The following OPCML variants were observed in gnomAD, a reference collection of about 807,000 sequenced individuals.
The protein encoded by OPCML is opioid-binding protein/cell adhesion molecule.
In OPCML, 13 loss-of-function variants were observed where a neutral mutation model predicts 37.8. That is an observed-to-expected ratio of 0.34 (90% CI 0.22 to 0.55). The LOEUF is 0.55. OPCML is among the 20% of genes least tolerant of loss of function. OPCML has a pLI of 0.91. For missense variants in OPCML, 341 were observed against 435.6 expected, an observed-to-expected ratio of 0.78 and a Z score of 1.93; for synonymous variants, 176 against 168.8, an observed-to-expected ratio of 1.04 and a Z score of -0.33.
At chr11:132,786,738 A>T (rs1445422283) in intron 2 of OPCML, among the ~76,000 whole-genome samples, 1 of 152,200 alleles carries the variant, frequency 6.6e-6, no homozygotes, top group Non-Finnish European at 1.5e-5. Context: ...TATAGTAGGC[A>T]TTCAAACGAT....
chr11:133,144,308 G>A (rs1325477516), intron 1 of OPCML, among the ~76,000 whole-genome samples: 1 of 152,232 alleles, frequency 6.6e-6, no homozygotes, highest in African/African-American at 2.4e-5. Context: ...CCTGAGCAGA[G>A]CCTGGCTCCA....
At position 133,376,668 on chromosome 11, in the gene OPCML, A is replaced by C. The variant is rs372965313; in HGVS notation, c.61+155596T>G. Reference sequence around the variant, plus strand: ...GCAAGATTATATATGAGCTATTTTTAGTCTGTTTATTTGTACTTTCTAAAT... The same window carrying C: ...GCAAGATTATATATGAGCTATTTTTCGTCTGTTTATTTGTACTTTCTAAAT... On this transcript the variant is annotated intron_variant, in intron 1 of 7. Coordinates refer to ENST00000524381, the MANE Select transcript of OPCML (RefSeq NM_001012393.5). 2.0e-4 allele frequency among the ~76,000 whole-genome samples: 31 copies of C among 152,320 alleles called. No homozygotes were observed. In the South Asian group the frequency reaches 6.4e-3, roughly 32 times the overall value.
At chr11:132,684,426 C>T (rs1369930854) in intron 2 of OPCML, among the ~76,000 whole-genome samples, 1 of 152,142 alleles carries the variant, frequency 6.6e-6, no homozygotes, top group African/African-American at 2.4e-5. Context: ...ATTCATATTA[C>T]ATCATATGAT....
At chr11:133,465,908 T>C (rs980404414) in intron 1 of OPCML, among the ~76,000 whole-genome samples, 6 of 152,244 alleles carry the variant, frequency 3.9e-5, no homozygotes, top group Non-Finnish European at 7.3e-5. Context: ...TACATCTATA[T>C]CCTGAGTTCA....
chr11:133,244,566 C>T lies in OPCML; in HGVS notation c.61+287698G>A, dbSNP rs139997632. On this transcript the variant is annotated intron_variant, in intron 1 of 7. Transcript: ENST00000524381. ...TCTCATGTCGAATTATAATCTCCAG[C>T]ACTGGAGGAGGGGCCTCGTGGGAGG... Among the ~76,000 whole-genome samples, 216 of 152,262 alleles carry T rather than the reference C, an allele frequency of 1.4e-3. 5 individuals are homozygous for T. Among genetic ancestry groups the T allele is most frequent in the Middle Eastern group, 0.01 (3 of 294 alleles).
intron 2 of OPCML, among the ~76,000 whole-genome samples, chr11:132,669,579 C>T (rs1784176): frequency 9.2e-5 from 14 of 152,064 alleles, no homozygotes; most frequent in African/African-American, 2.4e-4. Flanking sequence ...GCAAGCTGCT[C>T]GGGTATTGTC....
At chr11:133,307,726 C>A (rs548102191) in intron 1 of OPCML, among the ~76,000 whole-genome samples, 1 of 152,112 alleles carries the variant, frequency 6.6e-6, no homozygotes, top group African/African-American at 2.4e-5. Context: ...GTTTTGATTC[C>A]AATATCTGCA....
At chr11:132,850,154 C>T (rs1400190208) in intron 2 of OPCML, among the ~76,000 whole-genome samples, 3 of 152,164 alleles carry the variant, frequency 2.0e-5, no homozygotes, top group Non-Finnish European at 2.9e-5. Flanking sequence ...TTCAAAGAGG[C>T]ATCCTCCTTA....
intron 2 of OPCML, among the ~76,000 whole-genome samples, chr11:132,703,582 G>A (rs1943914789): frequency 6.6e-6 from 1 of 152,204 alleles, no homozygotes; most frequent in African/African-American, 2.4e-5. Flanking sequence ...CTGGTTGGTA[G>A]GGTCTACCAG....
rs113364906 is a variant in OPCML at position 132,994,577 on chromosome 11, T to C, written c.62-51567A>G. Reference sequence around the variant, plus strand: ...AAGGCTCAGGGCGGGGATTTTCACCTGTAAGCAGCGTTTGCAATCCCTCAT... The same window carrying C: ...AAGGCTCAGGGCGGGGATTTTCACCCGTAAGCAGCGTTTGCAATCCCTCAT... On this transcript the variant is annotated intron_variant, in intron 1 of 7. Coordinates refer to ENST00000524381, the MANE Select transcript of OPCML (RefSeq NM_001012393.5). Among the ~76,000 whole-genome samples, 841 of 152,308 alleles carry C rather than the reference T, an allele frequency of 5.5e-3. 4 individuals carry two copies. Among genetic ancestry groups the C allele is most frequent in the African/African-American group, 0.019 (810 of 41,572 alleles).
At chr11:133,132,581 T>C (rs1165404277) in intron 1 of OPCML, among the ~76,000 whole-genome samples, 2 of 152,164 alleles carry the variant, frequency 1.3e-5, no homozygotes, top group South Asian at 2.1e-4. Context: ...AACTTTATGA[T>C]AGCTGCAAAT....
At chr11:133,151,272 CAAT>C (rs528384274) in intron 1 of OPCML, among the ~76,000 whole-genome samples, 2,183 of 151,010 alleles carry the variant, frequency 0.014, 49 homozygotes, top group African/African-American at 0.051. Context: ...GACTCTGTCT[CAAT>C]AATAATAATA....
intron 1 of OPCML, among the ~76,000 whole-genome samples, chr11:133,371,364 T>C (rs1436258138): frequency 6.6e-6 from 1 of 152,228 alleles, no homozygotes; most frequent in African/African-American, 2.4e-5. Context: ...CACTTGCATG[T>C]TTATTGCAGC....
intron 1 of OPCML, among the ~76,000 whole-genome samples, chr11:133,391,192 C>T (rs1945167547): frequency 6.6e-6 from 1 of 152,184 alleles, no homozygotes. Context: ...CCCTGCTGAG[C>T]ATCCATGGAC....
At chr11:133,464,169 T>C (rs1345041287) in intron 1 of OPCML, among the ~76,000 whole-genome samples, 5 of 152,202 alleles carry the variant, frequency 3.3e-5, no homozygotes, top group African/African-American at 1.2e-4. Flanking sequence ...CTCCACATTC[T>C]TTAACACCTG....
intron 1 of OPCML, among the ~76,000 whole-genome samples, chr11:132,998,233 C>T (rs932174437): frequency 6.6e-6 from 1 of 152,116 alleles, no homozygotes; most frequent in Non-Finnish European, 1.5e-5. Context: ...CAAATGTGTC[C>T]TCACATTAGA....
intron 2 of OPCML, among the ~76,000 whole-genome samples, chr11:132,674,542 C>T (rs764630330): frequency 2.0e-5 from 3 of 152,170 alleles, no homozygotes; most frequent in Non-Finnish European, 2.9e-5. Flanking sequence ...GTGCACACTC[C>T]AAGAAACCCA....
At chr11:132,470,595 G>A (rs1290166576) in intron 4 of OPCML, among the ~76,000 whole-genome samples, 1 of 152,182 alleles carries the variant, frequency 6.6e-6, no homozygotes, top group Non-Finnish European at 1.5e-5. Context: ...AATATCAGTA[G>A]CAATAGTAAA....
intron 1 of OPCML, chr11:133,008,178 C>G: frequency 2.0e-6 from 2 of 985,426 alleles, no homozygotes; most frequent in Non-Finnish European, 2.4e-6. Flanking sequence ...ACCAAGAACC[C>G]TTGGGTCATT....
Sources: gnomAD v4.1 joint callset for allele counts (sites outside exome capture counted in the v4.1 genomes callset) on GRCh38, gnomAD v4.1.1 for gene constraint, MANE v1.5 for transcripts, NCBI Gene and HGNC (gene_info 2026-07-23, HGNC 2026-07-21) for gene names.